Variants in ADGRB3 observed in about 807,000 individuals in gnomAD.
The protein encoded by ADGRB3 is adhesion G protein-coupled receptor B3, also known as brain-specific angiogenesis inhibitor 3.
Under a neutral mutation model 193.4 loss-of-function variants are expected in ADGRB3, and 37 were observed. The observed-to-expected ratio is 0.19, with a 90% CI of 0.15 to 0.25. The LOEUF (loss-of-function observed/expected upper bound fraction) is 0.25, where lower values mean the gene tolerates loss of function less well. Ranked by LOEUF, ADGRB3 falls within the 10% of genes least tolerant of loss-of-function variation. The probability of loss-of-function intolerance (pLI) is 1.00; values close to 1 mark genes in which losing one functional copy is unlikely to be tolerated. For missense variants in ADGRB3, 1,637 were observed against 1,852.9 expected, an observed-to-expected ratio of 0.88 and a Z score of 2.14; for synonymous variants, 690 against 644.2, an observed-to-expected ratio of 1.07 and a Z score of -1.08.
rs184571664 is a variant in ADGRB3 at position 69,296,324 on chromosome 6, A to G, written c.2815-28548A>G. Among the ~76,000 whole-genome samples, 3 of 152,244 alleles carry G rather than the reference A, an allele frequency of 2.0e-5. No individual in the cohort carries two copies. In the East Asian group the frequency reaches 5.8e-4, roughly 29 times the overall value. On this transcript the variant is annotated intron_variant, in intron 20 of 31. Coordinates refer to ENST00000370598, the MANE Select transcript of ADGRB3 (RefSeq NM_001704.3). ...TAGCTTGCATGGTGATTTCCTAGCT[A>G]TGTTGCATTACAAACGAGAGGCTCA...
intron 13 of ADGRB3, 115 bp from the exon 14 acceptor site, chr6:69,048,070 A>G: frequency 8.8e-7 from 1 of 1,140,166 alleles, no homozygotes; most frequent in Non-Finnish European, 1.3e-6. Flanking sequence ...TCTGATAAAT[A>G]CAATTTTGAC....
chr6:69,100,914 G>A (rs571424789), intron 17 of ADGRB3, among the ~76,000 whole-genome samples: 1 of 68,982 alleles, frequency 1.4e-5, no homozygotes, highest in Non-Finnish European at 3.0e-5. Context: ...GCGAGGGAGG[G>A]AAGGAAGGAA....
intron 17 of ADGRB3, among the ~76,000 whole-genome samples, chr6:69,159,021 T>C (rs1774919788): frequency 6.6e-6 from 1 of 151,942 alleles, no homozygotes; most frequent in African/African-American, 2.4e-5. Flanking sequence ...CATGAAATTA[T>C]TTTCATATTT....
At chr6:68,959,542 A>C in intron 8 of ADGRB3, among the ~76,000 whole-genome samples, 1 of 152,258 alleles carries the variant, frequency 6.6e-6, no homozygotes, top group East Asian at 1.9e-4. Context: ...AATATATATG[A>C]ACATCTTTGT....
At chr6:68,710,139 G>T (rs572682069) in intron 3 of ADGRB3, among the ~76,000 whole-genome samples, 1 of 152,288 alleles carries the variant, frequency 6.6e-6, no homozygotes, top group African/African-American at 2.4e-5. Context: ...CCATCAGGGG[G>T]CTACAGAGGC....
At chr6:68,908,242 G>T (rs999389140) in intron 3 of ADGRB3, among the ~76,000 whole-genome samples, 1 of 151,842 alleles carries the variant, frequency 6.6e-6, no homozygotes, top group African/African-American at 2.4e-5. Context: ...CAATTCTAAG[G>T]TTTCTTTTTT....
At chr6:68,718,905 C>G (rs532669494) in intron 3 of ADGRB3, among the ~76,000 whole-genome samples, 6 of 151,694 alleles carry the variant, frequency 4.0e-5, no homozygotes, top group Non-Finnish European at 7.4e-5. Context: ...GCTGCCTTTG[C>G]GCTGTAACAG....
intron 3 of ADGRB3, among the ~76,000 whole-genome samples, chr6:68,664,930 AC>A: frequency 6.6e-6 from 1 of 151,914 alleles, no homozygotes; most frequent in East Asian, 1.9e-4. Flanking sequence ...TTAGTCTTAT[AC>A]ACATTCTTAC....
intron 20 of ADGRB3, among the ~76,000 whole-genome samples, chr6:69,259,758 C>T (rs1156317763): frequency 6.6e-6 from 1 of 150,788 alleles, no homozygotes; most frequent in Non-Finnish European, 1.5e-5. Flanking sequence ...CCCTTATTCT[C>T]TATTCGCAAT....
chr6:69,040,687 A>C (rs1477401515), intron 13 of ADGRB3, among the ~76,000 whole-genome samples: 2 of 139,612 alleles, frequency 1.4e-5, no homozygotes, highest in East Asian at 2.0e-4. Context: ...AAAAAAAAAA[A>C]AAAAAAAAAA....
intron 17 of ADGRB3, among the ~76,000 whole-genome samples, chr6:69,180,218 G>C (rs1049257156): frequency 6.6e-6 from 1 of 152,156 alleles, no homozygotes; most frequent in Non-Finnish European, 1.5e-5. Context: ...GCGTAGAGCA[G>C]TCCCTTCTAC....
chr6:69,129,620 C>T (rs145272657), intron 17 of ADGRB3, among the ~76,000 whole-genome samples: 1 of 152,046 alleles, frequency 6.6e-6, no homozygotes, highest in African/African-American at 2.4e-5. Flanking sequence ...TTCTTAAAAT[C>T]GCTACACATA....
chr6:69,278,895 TAA>T (rs1307883878), intron 20 of ADGRB3, among the ~76,000 whole-genome samples: 2 of 151,526 alleles, frequency 1.3e-5, no homozygotes, highest in African/African-American at 4.8e-5. Context: ...TCACTATATT[TAA>T]ACTATCATTA....
At chr6:69,094,080 A>G (rs901492555) in intron 17 of ADGRB3, among the ~76,000 whole-genome samples, 3 of 152,162 alleles carry the variant, frequency 2.0e-5, no homozygotes, top group African/African-American at 7.2e-5. Flanking sequence ...CTGTTTGCAC[A>G]GTGGAGGCAA....
intron 20 of ADGRB3, among the ~76,000 whole-genome samples, chr6:69,270,837 TA>T (rs1321851657): frequency 1.3e-5 from 2 of 152,232 alleles, no homozygotes; most frequent in Non-Finnish European, 2.9e-5. Context: ...ATTTTCCACA[TA>T]TTTTTGTTCT....
At chr6:68,706,457 G>A (rs775216621) in intron 3 of ADGRB3, among the ~76,000 whole-genome samples, 38 of 152,172 alleles carry the variant, frequency 2.5e-4, no homozygotes, top group Non-Finnish European at 4.9e-4. Context: ...GGAGGTGACC[G>A]TATGTGTATG....
At chr6:68,721,652 A>ATATATT (rs1235692612) in intron 3 of ADGRB3, among the ~76,000 whole-genome samples, 1 of 144,830 alleles carries the variant, frequency 6.9e-6, no homozygotes, top group African/African-American at 2.6e-5. Context: ...ATATATATAT[A>ATATATT]TATAAATTAT....
chr6:68,815,666 A>G (rs894709452), intron 3 of ADGRB3, among the ~76,000 whole-genome samples: 1 of 149,744 alleles, frequency 6.7e-6, no homozygotes, highest in Non-Finnish European at 1.5e-5. Context: ...TTGATGTAAT[A>G]GTTACACAAA....
In ADGRB3 at chr6:68,864,698, A is replaced by G. The variant is rs180808143; in HGVS notation, c.758-65861A>G. 4.6e-5 allele frequency among the ~76,000 whole-genome samples: 7 copies of G among 152,274 alleles called. No homozygotes were observed. In the East Asian group the frequency reaches 1.3e-3, roughly 29 times the overall value. On this transcript the variant is annotated intron_variant, in intron 3 of 31. Transcript: ENST00000370598. ...CAAGAAAATAGCTAATTGTGTGAAA[A>G]CAGCATCTCCTTTGCTCAAGTTACT...
Sources: allele counts gnomAD v4.1 joint callset (sites outside exome capture counted in the v4.1 genomes callset), GRCh38; gene constraint gnomAD v4.1.1; transcripts MANE v1.5; gene names NCBI Gene and HGNC (gene_info 2026-07-23, HGNC 2026-07-21).